Variants in RBFOX2 observed in about 807,000 individuals in gnomAD.
The protein encoded by RBFOX2 is RNA binding fox-1 homolog 2.
A neutral mutation model predicts 49.1 loss-of-function variants in RBFOX2; 10 were observed. The ratio of observed to expected loss-of-function variants is 0.20; its 90% CI spans 0.13 to 0.35. The LOEUF (loss-of-function observed/expected upper bound fraction) is 0.35, where lower values mean the gene tolerates loss of function less well. Among genes scored for constraint, RBFOX2 ranks in the 10% least tolerant of loss-of-function variants. The probability of loss-of-function intolerance (pLI) is 1.00; values close to 1 mark genes in which losing one functional copy is unlikely to be tolerated. For synonymous variants in RBFOX2, 183 were observed against 187.4 expected (o/e 0.98, Z 0.19); for missense variants, 323 against 486.9 (o/e 0.66, Z 3.17).
At chr22:35,806,823 G>A (rs990028130) in intron 2 of RBFOX2, among the ~76,000 whole-genome samples, 2 of 152,168 alleles carry the variant, frequency 1.3e-5, no homozygotes, top group African/African-American at 4.8e-5. Flanking sequence ...CGGGGAGTGG[G>A]GGACGGAGTC....
intron 1 of RBFOX2, among the ~76,000 whole-genome samples, chr22:35,949,230 T>C (rs751527629): frequency 6.6e-6 from 1 of 152,262 alleles, no homozygotes; most frequent in Non-Finnish European, 1.5e-5. Flanking sequence ...TATCACTGTA[T>C]TGTAGCCTAC....
At chr22:35,775,724 C>T (rs1448597375) in intron 4 of RBFOX2, among the ~76,000 whole-genome samples, 1 of 151,184 alleles carries the variant, frequency 6.6e-6, no homozygotes, top group Non-Finnish European at 1.5e-5. Flanking sequence ...GCCTGTTATC[C>T]CAGCTACTCG....
chr22:35,795,346 C>T (rs1165461396), intron 2 of RBFOX2, among the ~76,000 whole-genome samples: 3 of 152,100 alleles, frequency 2.0e-5, no homozygotes, highest in Non-Finnish European at 4.4e-5. Context: ...ACAGAACATG[C>T]TAATGACACC....
At chr22:35,828,160 C>CAAAAAAAA (rs201383680) in intron 1 of RBFOX2, among the ~76,000 whole-genome samples, 2 of 66,568 alleles carry the variant, frequency 3.0e-5, no homozygotes, top group Admixed American at 3.6e-4. Context: ...GAATCTGTCT[C>CAAAAAAAA]AAAAAAAAAA....
At chr22:35,840,175 G>A (rs1279975439) in intron 1 of RBFOX2, 2 of 1,613,286 alleles carry the variant, frequency 1.2e-6, no homozygotes, top group East Asian at 2.2e-5. Flanking sequence ...AACATGCCGA[G>A]GAAGCACAAA....
chr22:35,911,253 T>G (rs1237957540), intron 1 of RBFOX2, among the ~76,000 whole-genome samples: 2 of 152,198 alleles, frequency 1.3e-5, no homozygotes, highest in African/African-American at 4.8e-5. Context: ...AAGAATCTTC[T>G]TTGTAAAAGC....
At chr22:36,000,652 T>G (rs1163549506) in intron 1 of RBFOX2, among the ~76,000 whole-genome samples, 2 of 152,086 alleles carry the variant, frequency 1.3e-5, no homozygotes, top group East Asian at 1.9e-4. Flanking sequence ...CCCGGGAATG[T>G]TTTTTTATCT....
intron 1 of RBFOX2, among the ~76,000 whole-genome samples, chr22:35,857,332 C>T (rs2042626228): frequency 6.6e-6 from 1 of 152,138 alleles, no homozygotes; most frequent in Non-Finnish European, 1.5e-5. Context: ...CAAGAGGTTA[C>T]AGATGACTAA....
At chr22:35,750,390 A>C (rs1357846943) in intron 9 of RBFOX2, 1 of 1,517,872 alleles carries the variant, frequency 6.6e-7, no homozygotes, top group Admixed American at 1.7e-5. Flanking sequence ...AATAATAAAA[A>C]TTAAAAAGGA....
chr22:35,760,964 C>T (rs755930309), intron 8 of RBFOX2, among the ~76,000 whole-genome samples: 1 of 152,200 alleles, frequency 6.6e-6, no homozygotes, highest in Admixed American at 6.5e-5. Flanking sequence ...CTAAAATATT[C>T]TTCATATGCC....
intron 9 of RBFOX2, chr22:35,750,288 G>A (rs1447728005): frequency 5.3e-6 from 3 of 564,184 alleles, no homozygotes; most frequent in East Asian, 2.9e-5. Context: ...CAAAAAAAGA[G>A]GAGAAATAAT....
chr22:35,938,859 C>T (rs765092339), exon 1 of RBFOX2: 20 of 1,613,732 alleles, frequency 1.2e-5, no homozygotes, highest in East Asian at 4.5e-5. Context: ...GGCTGTCCCG[C>T]GCTGGGAATC....
At chr22:35,795,826 A>T (rs1001675994) in intron 2 of RBFOX2, among the ~76,000 whole-genome samples, 2 of 152,072 alleles carry the variant, frequency 1.3e-5, no homozygotes, top group African/African-American at 2.4e-5. Flanking sequence ...TAAAATTCCA[A>T]ATTCTTTGGC....
intron 1 of RBFOX2, chr22:35,897,242 C>T (rs2047963127): frequency 1.4e-6 from 2 of 1,405,826 alleles, no homozygotes; most frequent in East Asian, 2.3e-5. Flanking sequence ...GACACCAAAA[C>T]CAAGAGTTGC....
intron 1 of RBFOX2, among the ~76,000 whole-genome samples, chr22:35,898,984 G>A (rs1343386233): frequency 1.3e-5 from 2 of 152,010 alleles, no homozygotes; most frequent in Non-Finnish European, 2.9e-5. Context: ...TGGGCATGGT[G>A]GCGCATGCCT....
chr22:35,957,719 G>A (rs1344496918), intron 1 of RBFOX2, among the ~76,000 whole-genome samples: 3 of 152,166 alleles, frequency 2.0e-5, no homozygotes, highest in African/African-American at 4.8e-5. Context: ...CCTCTCATTT[G>A]TAGTTCTTCC....
chr22:35,834,683 A>G (rs1190105741), intron 1 of RBFOX2, among the ~76,000 whole-genome samples: 1 of 152,132 alleles, frequency 6.6e-6, no homozygotes, highest in Non-Finnish European at 1.5e-5. Flanking sequence ...AGAAAAGCAG[A>G]AGGGTCCTGA....
At chr22:35,865,134 C>CATGGATGG (rs892912559) in intron 1 of RBFOX2, among the ~76,000 whole-genome samples, 1 of 151,986 alleles carries the variant, frequency 6.6e-6, no homozygotes, top group African/African-American at 2.4e-5. Flanking sequence ...ATACTACATA[C>CATGGATGG]ATGGATGGAT....
chr22:35,892,342 C>T (rs957944109), intron 1 of RBFOX2, among the ~76,000 whole-genome samples: 3 of 152,092 alleles, frequency 2.0e-5, no homozygotes, highest in Admixed American at 1.3e-4. Context: ...TGCCAACTGA[C>T]GCTACCAAAT....
Sources: allele counts gnomAD v4.1 joint callset (sites outside exome capture counted in the v4.1 genomes callset), GRCh38; gene constraint gnomAD v4.1.1; transcripts MANE v1.5; gene names NCBI Gene and HGNC (gene_info 2026-07-23, HGNC 2026-07-21).